The following UTRN variants were observed in gnomAD, a reference collection of about 807,000 sequenced individuals.
UTRN encodes the protein dystrophin-related protein 1.
A neutral mutation model predicts 463.9 loss-of-function variants in UTRN; 283 were observed. The ratio of observed to expected loss-of-function variants is 0.61; its 90% confidence interval spans 0.55 to 0.67. The LOEUF (loss-of-function observed/expected upper bound fraction) is 0.67. Ranked by LOEUF, UTRN falls within the 30% of genes least tolerant of loss-of-function variation. The probability of loss-of-function intolerance (pLI) is 0.00; values close to 1 mark genes in which losing one functional copy is unlikely to be tolerated. For synonymous variants in UTRN, 1,442 were observed against 1,431.5 expected (o/e 1.01, Z -0.17); for missense variants, 3,922 against 4,084.3 (o/e 0.96, Z 1.08).
chr6:144,547,085 T>C (rs1798483073), intron 46 of UTRN, among the ~76,000 whole-genome samples: 1 of 152,246 alleles, frequency 6.6e-6, no homozygotes, highest in African/African-American at 2.4e-5. Context: ...AACCTAGAGC[T>C]TCTCAGATGT....
chr6:144,531,747 A>G (rs1410816238), intron 42 of UTRN, among the ~76,000 whole-genome samples: 2 of 152,236 alleles, frequency 1.3e-5, no homozygotes, highest in Admixed American at 6.5e-5. Context: ...CAATTCTACC[A>G]TTGATAAAAA....
chr6:144,678,680 C>A, intron 52 of UTRN, 102 bp downstream of exon 52: 1 of 1,057,390 alleles, frequency 9.5e-7, no homozygotes. Context: ...ACCACCACTT[C>A]TATTTCATCA....
intron 2 of UTRN, among the ~76,000 whole-genome samples, chr6:144,368,637 G>A (rs1584472552): frequency 6.6e-6 from 1 of 152,042 alleles, no homozygotes; most frequent in Non-Finnish European, 1.5e-5. Flanking sequence ...AGCTGGGTGT[G>A]GTGGTGCACG....
chr6:144,672,536 C>A (rs141604381), intron 51 of UTRN, among the ~76,000 whole-genome samples: 269 of 152,032 alleles, frequency 1.8e-3, no homozygotes, highest in African/African-American at 6.2e-3. Context: ...TCTAATTGAG[C>A]TCATTTATAT....
At chr6:144,783,683 C>A (rs1776056653) in intron 61 of UTRN, among the ~76,000 whole-genome samples, 1 of 152,194 alleles carries the variant, frequency 6.6e-6, no homozygotes, top group Non-Finnish European at 1.5e-5. Flanking sequence ...ATTCCCCCTA[C>A]CTATATGTAC....
At chr6:144,429,983 T>C (rs1444075994) in intron 9 of UTRN, among the ~76,000 whole-genome samples, 5 of 152,220 alleles carry the variant, frequency 3.3e-5, no homozygotes, top group Admixed American at 2.0e-4. Context: ...AAAACTGGGC[T>C]GTTGCTCATG....
chr6:144,643,175 T>C (rs531086976), intron 51 of UTRN, among the ~76,000 whole-genome samples: 85 of 152,276 alleles, frequency 5.6e-4, no homozygotes, highest in Non-Finnish European at 1.0e-3. Context: ...AGTCAACAGC[T>C]CATGTCTCTA....
chr6:144,299,837 G>T (rs1292023536), intron 2 of UTRN, among the ~76,000 whole-genome samples: 2 of 152,132 alleles, frequency 1.3e-5, no homozygotes, highest in Non-Finnish European at 2.9e-5. Flanking sequence ...TTATCTTAAG[G>T]GGGGGTGGTT....
rs1314888112 is a variant in UTRN, at chr6:144,499,500, G to A, written c.4764+73G>A. 1.5e-5 allele frequency: 20 copies of A among 1,327,780 alleles called. No homozygotes were observed. The East Asian group carries it at 5.0e-4, about 33-fold the overall frequency. 82.2% of individuals were successfully genotyped at this position (1,327,780 alleles called of 1,614,324 possible). ...GGCATTTGTTCGGGCGACCTGGTTG[G>A]ATACCATGTCCCTCCATTTTATATT... On this transcript the variant is annotated intron_variant, in intron 34 of 74. Transcript: ENST00000367545.
chr6:144,379,143 G>A (rs1780701072), intron 2 of UTRN, among the ~76,000 whole-genome samples: 1 of 152,218 alleles, frequency 6.6e-6, no homozygotes, highest in African/African-American at 2.4e-5. Flanking sequence ...TACATAGTAT[G>A]TGTTTATCTC....
At chr6:144,649,722 A>G (rs995281338) in intron 51 of UTRN, among the ~76,000 whole-genome samples, 1 of 152,180 alleles carries the variant, frequency 6.6e-6, no homozygotes, top group Admixed American at 6.5e-5. Context: ...CTTGCAAGGT[A>G]TAAGCATTTT....
chr6:144,538,655 G>A (rs1439953452), intron 44 of UTRN, among the ~76,000 whole-genome samples: 1 of 149,044 alleles, frequency 6.7e-6, no homozygotes, highest in African/African-American at 2.5e-5. Context: ...GGCTGACAGA[G>A]CGAGACTCCG....
chr6:144,344,150 G>A, intron 2 of UTRN: 1 of 1,289,628 alleles, frequency 7.8e-7, no homozygotes, highest in African/African-American at 1.5e-5. Flanking sequence ...CAGTTCGAAG[G>A]CTGCTTTTGT....
rs1045049375 is a variant in UTRN, at chr6:144,734,853, G to A, written c.7939+4367G>A. On this transcript the variant is annotated intron_variant, in intron 54 of 74. Transcript: ENST00000367545. ...TCAGAGAAGTCAGATTCTTATAATG[G>A]CTCACAGACTGTATGCCAGGGGGTG... 5.3e-5 allele frequency among the ~76,000 whole-genome samples: 8 copies of A among 152,204 alleles called. No individual in the cohort carries two copies. In the South Asian group the frequency reaches 1.2e-3, roughly 24 times the overall value.
intron 51 of UTRN, among the ~76,000 whole-genome samples, chr6:144,645,692 A>G (rs1374772789): frequency 6.6e-6 from 1 of 152,206 alleles, no homozygotes; most frequent in Non-Finnish European, 1.5e-5. Context: ...TCTGTGTTGT[A>G]TAACGGGGCT....
intron 73 of UTRN, among the ~76,000 whole-genome samples, chr6:144,845,983 T>C (rs772571879): frequency 5.9e-5 from 9 of 151,844 alleles, no homozygotes; most frequent in Non-Finnish European, 1.0e-4. Flanking sequence ...GCTAGATGAC[T>C]AGGGACAACT....
chr6:144,608,726 G>T (rs1237989698), intron 51 of UTRN, among the ~76,000 whole-genome samples: 1 of 152,150 alleles, frequency 6.6e-6, no homozygotes, highest in Non-Finnish European at 1.5e-5. Context: ...AAGTTCTTGT[G>T]TGGCTATTTT....
chr6:144,564,422 A>G (rs1438735161), intron 50 of UTRN, among the ~76,000 whole-genome samples: 2 of 152,118 alleles, frequency 1.3e-5, no homozygotes, highest in African/African-American at 4.8e-5. Flanking sequence ...TGATGGTAAG[A>G]GCTTGAGATG....
At chr6:144,828,138 A>G (rs1289564707) in intron 68 of UTRN, among the ~76,000 whole-genome samples, 1 of 152,160 alleles carries the variant, frequency 6.6e-6, no homozygotes, top group East Asian at 1.9e-4. Context: ...GGTATATACT[A>G]GGTGTCTGTG....
Sources: allele counts gnomAD v4.1 joint callset (sites outside exome capture counted in the v4.1 genomes callset), GRCh38; gene constraint gnomAD v4.1.1; transcripts MANE v1.5; gene names NCBI Gene and HGNC (gene_info 2026-07-23, HGNC 2026-07-21).